CDH23: variants seen among roughly 807,000 people sequenced by gnomAD.
The protein encoded by CDH23 is cadherin-23.
Under a neutral mutation model 317.1 loss-of-function variants are expected in CDH23, and 189 were observed. The observed-to-expected ratio is 0.60, with a 90% CI of 0.53 to 0.67. The LOEUF is 0.67. Ranked by LOEUF, CDH23 falls within the 30% of genes least tolerant of loss-of-function variation. The pLI is 0.00. For synonymous variants in CDH23, 1,839 were observed against 1,876.8 expected, an observed-to-expected ratio of 0.98 and a Z score of 0.52; for missense variants, 4,401 against 4,592.4, an observed-to-expected ratio of 0.96 and a Z score of 1.20.
At chr10:71,724,175 C>T (rs924961157) in intron 29 of CDH23, 70 bp downstream of exon 29, 6 of 1,512,628 alleles carry the variant, frequency 4.0e-6, no homozygotes, top group Non-Finnish European at 4.5e-6. Context: ...CTCTAGGCTG[C>T]CAAAGGTCTG....
At chr10:71,721,514 G>A (rs1195098305) in intron 28 of CDH23, among the ~76,000 whole-genome samples, 2 of 152,180 alleles carry the variant, frequency 1.3e-5, no homozygotes, top group Admixed American at 6.5e-5. Flanking sequence ...GAGGCTCAAG[G>A]GGGCTAAAGT....
chr10:71,764,237 C>T (rs1840472502), intron 38 of CDH23, among the ~76,000 whole-genome samples: 1 of 152,168 alleles, frequency 6.6e-6, no homozygotes, highest in African/African-American at 2.4e-5. Context: ...GTGCACTACG[C>T]TAAGGGTTTC....
chr10:71,798,186 C>T (rs1841455041), intron 49 of CDH23, among the ~76,000 whole-genome samples, 168 bp from the exon 50 acceptor site: 1 of 152,036 alleles, frequency 6.6e-6, no homozygotes, highest in South Asian at 2.1e-4. Context: ...GAGCACACCA[C>T]TGGAAAGCCT....
chr10:71,426,303 G>A (rs1187074240), intron 1 of CDH23, among the ~76,000 whole-genome samples: 1 of 152,206 alleles, frequency 6.6e-6, no homozygotes, highest in Non-Finnish European at 1.5e-5. Context: ...TTTCAGAGGG[G>A]GGCCAGGACT....
rs142454915 is a variant in CDH23 at position 71,516,349 on chromosome 10, C to T, written c.429+5137C>T. Among the ~76,000 whole-genome samples the T allele has an allele frequency of 6.6e-3, 1,004 of 152,232 alleles. 11 individuals carry two copies. Among genetic ancestry groups the T allele is most frequent in the African/African-American group, 0.019 (781 of 41,520 alleles). On this transcript the variant is annotated intron_variant, in intron 6 of 69. Coordinates refer to ENST00000224721, the MANE Select transcript of CDH23 (RefSeq NM_022124.6). Reference sequence around the variant, plus strand: ...CTGGGAGCCTGAGAGGTGGAGGGTCCTTGCCTGAGCCTCAGTGCTGGCTGC... The same window carrying T: ...CTGGGAGCCTGAGAGGTGGAGGGTCTTTGCCTGAGCCTCAGTGCTGGCTGC...
rs141986620 is a variant in CDH23, at chr10:71,800,739, G to A, written c.7466G>A (p.Arg2489His). 4.0e-5 allele frequency: 65 copies of A among 1,613,878 alleles called. No individual in the cohort carries two copies. The highest frequency in any genetic ancestry group is 6.7e-5 in the East Asian group (3 of 44,872). ...DNPGDVASNR[R>H]ENSVQVVIQV... Reference sequence around the variant, plus strand: ...CCTGGGGATGTAGCCAGCAACCGTCGCGAAAATTCAGTGCAGGTGAGGGGT... The same window carrying A: ...CCTGGGGATGTAGCCAGCAACCGTCACGAAAATTCAGTGCAGGTGAGGGGT... The change falls in exon 53 of 70, where the codon CGC becomes CAC. Residue 2489 changes from arginine (R) to histidine (H), a missense_variant. By Grantham distance (29) the Arg-to-His change is conservative. Transcript: ENST00000224721.
intron 28 of CDH23, among the ~76,000 whole-genome samples, chr10:71,720,420 A>AACACACACACACACACACACACAC (rs57346519): frequency 3.4e-5 from 5 of 145,750 alleles, no homozygotes; most frequent in African/African-American, 1.3e-4. Context: ...CTCTTTCCAA[A>AACACACACACACACACACACACAC]ACACACACAC....
At chr10:71,722,632 A>C (rs1400941799) in intron 28 of CDH23, among the ~76,000 whole-genome samples, 1 of 152,224 alleles carries the variant, frequency 6.6e-6, no homozygotes, top group Non-Finnish European at 1.5e-5. Flanking sequence ...GAGGGTGACC[A>C]GGGGTAGGGA....
intron 19 of CDH23, among the ~76,000 whole-genome samples, chr10:71,689,747 G>A (rs752838225): frequency 6.6e-6 from 1 of 152,232 alleles, no homozygotes; most frequent in Non-Finnish European, 1.5e-5. Flanking sequence ...AGGGGAAGAA[G>A]TGATGCTCAG....
chr10:71,436,535 C>T (rs1849631370), intron 1 of CDH23, among the ~76,000 whole-genome samples: 1 of 152,238 alleles, frequency 6.6e-6, no homozygotes, highest in African/African-American at 2.4e-5. Flanking sequence ...CTGACTCAGG[C>T]AGACCTGGTC....
In CDH23 at chr10:71,791,353, C is replaced by T; in HGVS notation, c.6253+18C>T. 2 of 1,606,836 alleles carry T rather than the reference C, an allele frequency of 1.2e-6. No homozygotes were observed. The highest frequency in any genetic ancestry group is 1.7e-6 in the Non-Finnish European group (2 of 1,175,598). On this transcript the variant is annotated intron_variant, in intron 47 of 69. Transcript: ENST00000224721. The stretch of plus-strand genomic sequence containing the variant: ...CCCGCCTGGTAAGCAGGGGACAGGC[C>T]CCAGCACCCCACAACCAGGGGCCGG...
chr10:71,648,798 C>T (rs1176209654), intron 14 of CDH23, among the ~76,000 whole-genome samples: 1 of 152,190 alleles, frequency 6.6e-6, no homozygotes, highest in Non-Finnish European at 1.5e-5. Flanking sequence ...GCCAGCCTCC[C>T]TGGGTTCCTG....
At chr10:71,629,736 T>A (rs1467202611) in intron 11 of CDH23, among the ~76,000 whole-genome samples, 1 of 152,152 alleles carries the variant, frequency 6.6e-6, no homozygotes, top group East Asian at 1.9e-4. Context: ...GGCCACTTGG[T>A]GGATGATTTC....
At position 71,725,361 on chromosome 10, in the gene CDH23, C is replaced by A. The variant is rs769534244; in HGVS notation, c.3431-11C>A. The A allele has an allele frequency of 1.1e-5, 18 of 1,613,974 alleles. No individual in the cohort carries two copies. The Admixed American group carries it at 3.0e-4, about 27-fold the overall frequency. On this transcript the variant is annotated splice_polypyrimidine_tract_variant and intron_variant, in intron 29 of 69. Coordinates refer to ENST00000224721, the MANE Select transcript of CDH23 (RefSeq NM_022124.6). Reference sequence around the variant, plus strand: ...GGGCCGGTGTTCCAGGGGGTCTGTCCCTCCACACAGGTAACCATGGCAACA... The same window carrying A: ...GGGCCGGTGTTCCAGGGGGTCTGTCACTCCACACAGGTAACCATGGCAACA...
At chr10:71,490,485 G>T (rs532994469) in intron 3 of CDH23, among the ~76,000 whole-genome samples, 1 of 152,328 alleles carries the variant, frequency 6.6e-6, no homozygotes, top group African/African-American at 2.4e-5. Flanking sequence ...GCCTGAGTAG[G>T]TGAGTGAATA....
At chr10:71,441,734 AAG>A in intron 2 of CDH23, among the ~76,000 whole-genome samples, 1 of 87,078 alleles carries the variant, frequency 1.1e-5, no homozygotes, top group South Asian at 3.9e-4. Flanking sequence ...AAAAAGAAAA[AAG>A]AAAAAAAAAA....
chr10:71,806,031 T>TG, intron 56 of CDH23, 34 bp downstream of exon 56: 14 of 468,338 alleles, frequency 3.0e-5, no homozygotes, highest in Admixed American at 7.0e-5. Flanking sequence ...GGGCGGGGTC[T>TG]GGGGCGGGGC....
Position 71,779,307 on chromosome 10 carries a change from C to T in CDH23, c.5228C>T (p.Thr1743Ile), listed in dbSNP as rs191021194. 3.1e-6 allele frequency: 5 copies of T among 1,614,042 alleles called. No individual in the cohort carries two copies. The highest frequency in any genetic ancestry group is 3.4e-6 in the Non-Finnish European group (4 of 1,179,892). ...NVNDINDNVP[T>I]FPRDYEGPFE... ...AATGACATCAACGACAATGTGCCTA[C>T]CTTCCCCCGGGACTATGAGGGACCA... The change falls in exon 41 of 70, where the codon ACC becomes ATC. Residue 1743 changes from threonine to isoleucine, a missense_variant. Physicochemically the swap from Thr to Ile is moderately conservative, Grantham distance 89. This residue lies in a region of CDH23 where 3,068 missense variants were observed against 3,203.3 expected (regional missense o/e 0.96). Transcript: ENST00000224721.
rs528944374 is a variant in CDH23, at chr10:71,521,450, C to A, written c.429+10238C>A. ...CTCCATTTCAGAAATCCATCCCATC[C>A]GTGTGAGGCTTTGAGCCCCTGGTGT... On this transcript the variant is annotated intron_variant, in intron 6 of 69. Transcript: ENST00000224721. 2.0e-5 allele frequency among the ~76,000 whole-genome samples: 3 copies of A among 152,332 alleles called. No homozygotes were observed. The South Asian group carries it at 6.2e-4, about 32-fold the overall frequency.
Sources: gnomAD v4.1 joint callset for allele counts (sites outside exome capture counted in the v4.1 genomes callset) on GRCh38, gnomAD v4.1.1 for gene constraint, gnomAD v4.1.1 regional missense constraint, MANE v1.5 for transcripts, NCBI Gene and HGNC (gene_info 2026-07-23, HGNC 2026-07-21) for gene names.